Variants in WWOX observed in about 807,000 individuals in gnomAD.
WWOX encodes the protein WW domain containing oxidoreductase.
In WWOX, 69 loss-of-function variants were observed where a neutral mutation model predicts 46.2. The ratio of observed to expected loss-of-function variants is 1.49; its 90% confidence interval spans 1.23 to 1.82. The LOEUF is 1.82. Among genes scored for constraint, WWOX ranks in the 40% most tolerant of loss-of-function variants. The probability of loss-of-function intolerance (pLI) is 0.00; values close to 1 mark genes in which losing one functional copy is unlikely to be tolerated. For missense variants in WWOX, 919 were observed against 542.6 expected (o/e 1.69, Z -6.89); for synonymous variants, 359 against 202.6 (o/e 1.77, Z -6.56).
At chr16:79,097,403 C>T (rs1287476241) in intron 8 of WWOX, among the ~76,000 whole-genome samples, 1 of 150,244 alleles carries the variant, frequency 6.7e-6, no homozygotes. Context: ...AAGAGTCTAG[C>T]AATTAGCAGG....
chr16:79,126,131 T>A (rs1489616160), intron 8 of WWOX, among the ~76,000 whole-genome samples: 1 of 152,106 alleles, frequency 6.6e-6, no homozygotes, highest in Non-Finnish European at 1.5e-5. Context: ...TTCTTCCAGC[T>A]TGGGGATGGA....
intron 8 of WWOX, among the ~76,000 whole-genome samples, chr16:78,775,031 T>A (rs958640306): frequency 1.3e-5 from 2 of 152,062 alleles, no homozygotes; most frequent in Admixed American, 1.3e-4. Context: ...GCGAGAGACA[T>A]CACAGCCCTC....
chr16:78,791,886 A>G (rs553319378), intron 8 of WWOX, among the ~76,000 whole-genome samples: 6 of 152,276 alleles, frequency 3.9e-5, no homozygotes, highest in Non-Finnish European at 8.8e-5. Flanking sequence ...CTCAAAAACA[A>G]CAACAACAAC....
intron 8 of WWOX, among the ~76,000 whole-genome samples, chr16:78,872,217 C>G (rs1044349854): frequency 7.2e-5 from 11 of 152,176 alleles, no homozygotes; most frequent in African/African-American, 2.7e-4. Flanking sequence ...ATTCAAATCC[C>G]AGCTCTGCTA....
At chr16:78,877,394 C>G (rs896378251) in intron 8 of WWOX, among the ~76,000 whole-genome samples, 2 of 152,016 alleles carry the variant, frequency 1.3e-5, no homozygotes, top group Non-Finnish European at 2.9e-5. Context: ...AGACGCTTTG[C>G]CTTTGCTGCT....
At chr16:78,917,126 C>G (rs184878595) in intron 8 of WWOX, among the ~76,000 whole-genome samples, 1 of 152,178 alleles carries the variant, frequency 6.6e-6, no homozygotes, top group East Asian at 1.9e-4. Flanking sequence ...TTTAGTCTGA[C>G]GTGGCTGGGA....
intron 8 of WWOX, among the ~76,000 whole-genome samples, chr16:78,782,305 CCTT>C (rs2142558194): frequency 6.6e-6 from 1 of 152,294 alleles, no homozygotes; most frequent in African/African-American, 2.4e-5. Context: ...TTTTCAAGAA[CCTT>C]CTTGCTCCCT....
intron 8 of WWOX, among the ~76,000 whole-genome samples, chr16:79,197,090 T>C (rs2150821280): frequency 6.6e-6 from 1 of 152,228 alleles, no homozygotes; most frequent in African/African-American, 2.4e-5. Flanking sequence ...GGGAGCTACC[T>C]GAGTGGAGTC....
intron 8 of WWOX, among the ~76,000 whole-genome samples, chr16:78,922,809 G>A (rs1222081350): frequency 6.6e-6 from 1 of 152,166 alleles, no homozygotes; most frequent in African/African-American, 2.4e-5. Flanking sequence ...AAAGGAACTG[G>A]AGCTTGGGGG....
chr16:78,743,164 G>C (rs573556065), intron 8 of WWOX, among the ~76,000 whole-genome samples: 13 of 152,120 alleles, frequency 8.5e-5, no homozygotes, highest in South Asian at 6.3e-4. Context: ...ATTGATATCA[G>C]TTCCCAGGCA....
chr16:78,888,947 A>G (rs535000495), intron 8 of WWOX, among the ~76,000 whole-genome samples: 2 of 148,248 alleles, frequency 1.3e-5, no homozygotes, highest in South Asian at 4.2e-4. Context: ...AAGCCCCATA[A>G]TCTCCCCCTG....
chr16:79,052,104 A>T (rs955745321), intron 8 of WWOX, among the ~76,000 whole-genome samples: 2 of 150,854 alleles, frequency 1.3e-5, no homozygotes, highest in Admixed American at 6.6e-5. Flanking sequence ...TTAGTTACAT[A>T]TGTATACATG....
At chr16:78,666,553 A>T (rs554537238) in intron 8 of WWOX, among the ~76,000 whole-genome samples, 2 of 152,320 alleles carry the variant, frequency 1.3e-5, no homozygotes, top group East Asian at 3.9e-4. Context: ...GAACCATTTG[A>T]TTGGGGTACT....
At chr16:78,862,832 G>A (rs145222116) in intron 8 of WWOX, among the ~76,000 whole-genome samples, 8 of 152,166 alleles carry the variant, frequency 5.3e-5, no homozygotes, top group African/African-American at 7.2e-5. Flanking sequence ...AGTACTAATC[G>A]AAACGTTAAT....
At chr16:78,796,113 A>G (rs370648338) in intron 8 of WWOX, among the ~76,000 whole-genome samples, 2 of 152,236 alleles carry the variant, frequency 1.3e-5, no homozygotes, top group African/African-American at 4.8e-5. Context: ...CCTAGCTATC[A>G]CATTTAGAAA....
intron 8 of WWOX, among the ~76,000 whole-genome samples, chr16:78,862,900 G>T (rs1567611076): frequency 2.0e-5 from 3 of 151,650 alleles, no homozygotes; most frequent in Non-Finnish European, 4.4e-5. Context: ...TAATATCTGG[G>T]TATCCTGTGG....
chr16:78,280,170 G>A (rs2079650937), intron 5 of WWOX, among the ~76,000 whole-genome samples: 1 of 152,158 alleles, frequency 6.6e-6, no homozygotes, highest in Non-Finnish European at 1.5e-5. Flanking sequence ...ATGTTCTTCA[G>A]GTACAGTTTT....
intron 8 of WWOX, among the ~76,000 whole-genome samples, chr16:78,756,744 A>C (rs1268423116): frequency 6.6e-6 from 1 of 152,182 alleles, no homozygotes; most frequent in Non-Finnish European, 1.5e-5. Flanking sequence ...AAAGAATCAA[A>C]CCTAAGTTGG....
intron 8 of WWOX, among the ~76,000 whole-genome samples, chr16:78,585,587 T>TGAGTG: frequency 2.0e-5 from 3 of 152,104 alleles, no homozygotes; most frequent in Non-Finnish European, 4.4e-5. Flanking sequence ...CACCAGGACC[T>TGAGTG]CTTGACTCAG....
Sources: gnomAD v4.1 joint callset for allele counts (sites outside exome capture counted in the v4.1 genomes callset) on GRCh38, gnomAD v4.1.1 for gene constraint, MANE v1.5 for transcripts, NCBI Gene and HGNC (gene_info 2026-07-23, HGNC 2026-07-21) for gene names.